Variants in ZNF133 observed in about 807,000 individuals in gnomAD.
The protein encoded by ZNF133 is zinc finger protein 133 (clone pHZ-13).
Under a neutral mutation model 54.9 loss-of-function variants are expected in ZNF133, and 26 were observed. The observed-to-expected ratio is 0.47, with a 90% CI of 0.35 to 0.66. The LOEUF (loss-of-function observed/expected upper bound fraction) is 0.66. Ranked by LOEUF, ZNF133 falls within the 30% of genes least tolerant of loss-of-function variation. ZNF133 has a pLI of 0.01. For missense variants in ZNF133, 653 were observed against 820.8 expected, an observed-to-expected ratio of 0.80 and a Z score of 2.50; for synonymous variants, 298 against 320.3, an observed-to-expected ratio of 0.93 and a Z score of 0.74.
At chr20:18,303,903 C>T (rs557255629) in intron 3 of ZNF133, among the ~76,000 whole-genome samples, 16 of 152,136 alleles carry the variant, frequency 1.1e-4, no homozygotes, top group African/African-American at 3.1e-4. Flanking sequence ...TTGGAAATGA[C>T]ACCAAAACAT....
rs2042576013 is a variant in ZNF133 at position 18,297,974 on chromosome 20, T to C, written c.-431-11T>C. On this transcript the variant is annotated splice_polypyrimidine_tract_variant and intron_variant, in intron 1 of 6. Transcript: ENST00000425686. The stretch of plus-strand genomic sequence containing the variant: ...ACCTGACACCCTCCCATTTCTGTTT[T>C]CCTTACCCAGATCTACCTTCTGAGA... 1 of 1,516,420 alleles carries C rather than the reference T, an allele frequency of 6.6e-7. No homozygotes were observed. Among genetic ancestry groups the C allele is most frequent in the African/African-American group, 1.4e-5 (1 of 72,554 alleles). The allele number at this position is 1,516,420 out of a possible 1,614,324, so 93.9% of individuals were successfully genotyped here.
chr20:18,297,303 G>C (rs1355141943), intron 1 of ZNF133, among the ~76,000 whole-genome samples: 1 of 151,704 alleles, frequency 6.6e-6, no homozygotes, highest in Non-Finnish European at 1.5e-5. Flanking sequence ...TTATAAGTTT[G>C]TCTTCATTTA....
chr20:18,316,672 G>A lies in ZNF133; in HGVS notation c.1821G>A (p.Val607=). The part of the protein sequence containing the change: ...QMTHTGEKPY[V]CKTCGRGFSL... ...CACATACGGGGGAGAAGCCATATGT[G>A]TGCAAGACGTGTGGGCGGGGCTTCA... Residue 607 remains valine, a synonymous_variant, in exon 7 of 7, where the codon GTG becomes GTA. Transcript: ENST00000425686. 6.2e-7 allele frequency: 1 copy of A among 1,614,128 alleles called. No homozygotes were observed. Among genetic ancestry groups the A allele is most frequent in the Non-Finnish European group, 8.5e-7 (1 of 1,180,020 alleles).
At chr20:18,301,779 T>TAA (rs1373880937) in intron 3 of ZNF133, among the ~76,000 whole-genome samples, 5 of 152,244 alleles carry the variant, frequency 3.3e-5, no homozygotes, top group African/African-American at 1.2e-4. Flanking sequence ...ACCATCCTGA[T>TAA]AAACAATCAG....
chr20:18,306,389 T>TC lies in ZNF133; in HGVS notation c.215dup (p.Ala73SerfsTer30), dbSNP rs1376222024. The stretch of plus-strand genomic sequence containing the variant: ...AAAAAAAATGTTCACCGGCAACCTG[T>TC]CCAGGTGAGTGGGAAAACACTGGAC... On this transcript the variant is annotated frameshift_variant, in exon 6 of 7. Transcript: ENST00000425686. LOFTEE classifies it high-confidence loss of function. The TC allele has an allele frequency of 6.2e-7, 1 of 1,612,918 alleles. No individual in the cohort carries two copies. Among genetic ancestry groups the TC allele is most frequent in the East Asian group, 2.2e-5 (1 of 44,882 alleles).
intron 1 of ZNF133, among the ~76,000 whole-genome samples, chr20:18,288,881 C>G (rs1409612066): frequency 1.3e-5 from 2 of 152,000 alleles, no homozygotes; most frequent in African/African-American, 4.8e-5. Flanking sequence ...TCCTAGGGTT[C>G]TTGTGGGTGG....
chr20:18,308,953 G>T (rs976015519), intron 6 of ZNF133, among the ~76,000 whole-genome samples: 1 of 152,212 alleles, frequency 6.6e-6, no homozygotes, highest in African/African-American at 2.4e-5. Context: ...TTAAACAACA[G>T]AAATTCATTT....
rs1555833462 is a variant in ZNF133 at position 18,316,057 on chromosome 20, G to A, written c.1206G>A (p.Arg402=). The change falls in exon 7 of 7, where the codon AGG becomes AGA. Residue 402 remains arginine, a synonymous_variant. Transcript: ENST00000425686. The part of the protein sequence containing the change: ...RQRTTLVNHQ[R]THSKEKPYVC... ...GGACCACCCTTGTCAACCACCAGAGGACACACTCAAAGGAGAAGCCCTATG... is the reference window on the plus strand; with the variant it reads ...GGACCACCCTTGTCAACCACCAGAGAACACACTCAAAGGAGAAGCCCTATG... 3 of 1,613,938 alleles carry A rather than the reference G, an allele frequency of 1.9e-6. No individual in the cohort carries two copies. The highest frequency in any genetic ancestry group is 1.3e-5 in the African/African-American group (1 of 74,988).
chr20:18,305,198 A>C lies in ZNF133; in HGVS notation c.-7+20A>C, dbSNP rs1600477719. The C allele has an allele frequency of 1.0e-6, 1 of 989,988 alleles. No homozygotes were observed. The highest frequency in any genetic ancestry group is 1.1e-4 in the East Asian group (1 of 8,840). The allele number at this position is 989,988 out of a possible 1,614,324, so 61.3% of individuals were successfully genotyped here. ...TCACAGGTAAGAAAACTGGGATACT[A>C]GTTGGTGGCAGAGGTGGGTCTGAAA... On this transcript the variant is annotated intron_variant, in intron 4 of 6. Coordinates refer to ENST00000425686, the MANE Select transcript of ZNF133 (RefSeq NM_001352452.2). This position sits in a 1 kb window ranked among gnomAD's most constrained non-coding sequence, Gnocchi z 4.7.
At chr20:18,289,062 T>C (rs989439251) in intron 1 of ZNF133, among the ~76,000 whole-genome samples, 1 of 152,132 alleles carries the variant, frequency 6.6e-6, no homozygotes, top group African/African-American at 2.4e-5. Flanking sequence ...CATTGGTCGG[T>C]TGAGGGCTAG....
chr20:18,314,888 T>C, intron 6 of ZNF133, 181 bp from the exon 7 acceptor site: 1 of 558,794 alleles, frequency 1.8e-6, no homozygotes. Flanking sequence ...AAGTGGGTTT[T>C]CTAGATTGTA....
intron 3 of ZNF133, among the ~76,000 whole-genome samples, chr20:18,303,809 C>G (rs2043968458): frequency 6.6e-6 from 1 of 152,092 alleles, no homozygotes. Context: ...GATCGAAGAC[C>G]TAAACATAAA....
chr20:18,316,035 C>T lies in ZNF133; in HGVS notation c.1184C>T (p.Thr395Ile), dbSNP rs2047378850. ...TGTGGGCGATGCTTCAGGCAGAGGA[C>T]CACCCTTGTCAACCACCAGAGGACA... ...KECGRCFRQR[T>I]TLVNHQRTHS... The change falls in exon 7 of 7, where the codon ACC becomes ATC. Residue 395 changes from threonine to isoleucine, a missense_variant. By Grantham distance (89) the Thr-to-Ile change is moderately conservative. This residue lies in a region of ZNF133 where 292 missense variants were observed against 431.6 expected (regional missense o/e 0.68). Transcript: ENST00000425686. 6.2e-7 allele frequency: 1 copy of T among 1,613,668 alleles called. No homozygotes were observed. Among genetic ancestry groups the T allele is most frequent in the African/African-American group, 1.3e-5 (1 of 74,752 alleles).
chr20:18,315,254 G>A lies in ZNF133; in HGVS notation c.403G>A (p.Glu135Lys). ...CCAGGAGAAGCAGCAACAAGCCTCT[G>A]AGGGGAGACCCTGGAGTGATCAAGC... ...GDQEKQQQASEGRPWSDQAEG... is the reference protein window; with the variant it reads ...GDQEKQQQASKGRPWSDQAEG... Residue 135 changes from glutamate (E) to lysine (K), a missense_variant, in exon 7 of 7, where the codon GAG (glutamate) becomes AAG (lysine). Transcript: ENST00000425686. The A allele has an allele frequency of 1.9e-6, 3 of 1,614,082 alleles. No homozygotes were observed. The highest frequency in any genetic ancestry group is 1.6e-4 in the Middle Eastern group (1 of 6,062).
At chr20:18,297,956 AC>A in intron 1 of ZNF133, 28 bp from the exon 2 acceptor site, 1 of 1,429,672 alleles carries the variant, frequency 7.0e-7, no homozygotes, top group Non-Finnish European at 9.5e-7. Flanking sequence ...TCTACCTGAC[AC>A]CCTCCCATTT....
chr20:18,298,421 C>G lies in ZNF133; in HGVS notation c.-221C>G, dbSNP rs940352199. ...TGTACCTATTTTGGAACTCTGGAGTCTAGTTGAAGGCCTCCAGTTCCCAGG... is the reference window on the plus strand; with the variant it reads ...TGTACCTATTTTGGAACTCTGGAGTGTAGTTGAAGGCCTCCAGTTCCCAGG... On this transcript the variant is annotated 5_prime_UTR_variant, in exon 3 of 7. Transcript: ENST00000425686. 4.6e-6 allele frequency: 4 copies of G among 867,110 alleles called. No individual in the cohort carries two copies. In the African/African-American group the frequency reaches 7.2e-5, roughly 16 times the overall value. The allele number at this position is 867,110 out of a possible 1,614,324, so 53.7% of individuals were successfully genotyped here. A position where few individuals can be genotyped will look rare whatever the true frequency, so the allele number is the denominator to read the frequency against.
At chr20:18,309,927 G>C (rs539863940) in intron 6 of ZNF133, among the ~76,000 whole-genome samples, 1 of 152,332 alleles carries the variant, frequency 6.6e-6, no homozygotes, top group South Asian at 2.1e-4. Flanking sequence ...ATGTTGGACA[G>C]AGAAGGAGAG....
At position 18,288,557 on chromosome 20, in the gene ZNF133, G is replaced by A; in HGVS notation, c.-479G>A. 4 of 398,660 alleles carry A rather than the reference G, an allele frequency of 1.0e-5. No individual in the cohort carries two copies. The allele number at this position is 398,660 out of a possible 1,614,324, so 24.7% of individuals were successfully genotyped here. ...GTAGTCCTGGCGCCCCGCTGGAGGA[G>A]CTCCCCAGCTGGTGGCTGGAGCGAC... On this transcript the variant is annotated 5_prime_UTR_variant, in exon 1 of 7. Coordinates refer to ENST00000425686, the MANE Select transcript of ZNF133 (RefSeq NM_001352452.2).
intron 1 of ZNF133, 34 bp from the exon 2 acceptor site, chr20:18,297,951 C>T: frequency 7.0e-7 from 1 of 1,419,784 alleles, no homozygotes; most frequent in Non-Finnish European, 9.6e-7. Flanking sequence ...GCATTTCTAC[C>T]TGACACCCTC....
Sources: allele counts gnomAD v4.1 joint callset (sites outside exome capture counted in the v4.1 genomes callset), GRCh38; gene constraint gnomAD v4.1.1; regional missense constraint gnomAD v4.1.1; non-coding constraint Gnocchi (gnomAD v3.1); transcripts MANE v1.5; gene names NCBI Gene and HGNC (gene_info 2026-07-23, HGNC 2026-07-21).